Variants in TBC1D12 observed in about 807,000 individuals in gnomAD.
TBC1D12 encodes the protein TBC1 domain family member 12.
A neutral mutation model predicts 86.7 loss-of-function variants in TBC1D12; 56 were observed. The ratio of observed to expected loss-of-function variants is 0.65; its 90% CI spans 0.52 to 0.81. The LOEUF (loss-of-function observed/expected upper bound fraction) is 0.81. TBC1D12 is among the 30% of genes least tolerant of loss of function. TBC1D12 has a pLI of 0.00. For synonymous variants in TBC1D12, 421 were observed against 411.7 expected (o/e 1.02, Z -0.27); for missense variants, 1,023 against 1,038.8 (o/e 0.98, Z 0.21).
chr10:94,410,848 A>G (rs1164387367), intron 1 of TBC1D12, among the ~76,000 whole-genome samples: 1 of 152,170 alleles, frequency 6.6e-6, no homozygotes, highest in African/African-American at 2.4e-5. Context: ...AAATCACTAA[A>G]TTTCTGGACT....
chr10:94,406,234 T>A (rs1322353509), intron 1 of TBC1D12, among the ~76,000 whole-genome samples: 1 of 152,250 alleles, frequency 6.6e-6, no homozygotes, highest in African/African-American at 2.4e-5. Flanking sequence ...TTTTTTTACT[T>A]ATAGACTAAT....
chr10:94,472,066 C>T (rs1157103823), intron 2 of TBC1D12, among the ~76,000 whole-genome samples: 3 of 152,066 alleles, frequency 2.0e-5, no homozygotes, highest in Non-Finnish European at 4.4e-5. Context: ...GTCTGATCTA[C>T]CCCGATGAGC....
rs777744600 is a variant in TBC1D12 at position 94,522,033 on chromosome 10, C to T, written c.1840C>T (p.Leu614Phe). ...AGATGCCTTTATCGCATTTGCCAATCTCCTGAATAAGCCATGCCAGTTGGC... is the reference window on the plus strand; with the variant it reads ...AGATGCCTTTATCGCATTTGCCAATTTCCTGAATAAGCCATGCCAGTTGGC... ...EADAFIAFAN[L>F]LNKPCQLAFF... The change falls in exon 10 of 13, where the codon CTC (leucine) becomes TTC (phenylalanine). Residue 614 changes from leucine to phenylalanine, a missense_variant. Physicochemically the swap from Leu to Phe is conservative, Grantham distance 22. Around this residue, in one of 2 missense-constraint regions of TBC1D12, gnomAD observed 395 missense variants for 507.7 expected, o/e 0.78. Transcript: ENST00000225235. 1 of 1,612,886 alleles carries T rather than the reference C, an allele frequency of 6.2e-7. No individual in the cohort carries two copies. The highest frequency in any genetic ancestry group is 8.5e-7 in the Non-Finnish European group (1 of 1,179,194).
intron 1 of TBC1D12, among the ~76,000 whole-genome samples, chr10:94,412,694 G>C (rs1233124856): frequency 6.6e-6 from 1 of 151,292 alleles, no homozygotes; most frequent in African/African-American, 2.4e-5. Flanking sequence ...GGAAAGAGTG[G>C]AAACATTTGG....
Position 94,402,933 on chromosome 10 carries a change from A to AC in TBC1D12, c.321dup (p.Ala108ArgfsTer17). Reference sequence around the variant, plus strand: ...CCGCCCTCGGCAGCCCCACGATCGGACGCCTGCCTGCTGGGCTCGGGCTCC... The same window carrying AC: ...CCGCCCTCGGCAGCCCCACGATCGGACCGCCTGCCTGCTGGGCTCGGGCTCC... On this transcript the variant is annotated frameshift_variant, in exon 1 of 13. Coordinates refer to ENST00000225235, the MANE Select transcript of TBC1D12 (RefSeq NM_015188.2). LOFTEE classifies it high-confidence loss of function. 6.5e-7 allele frequency: 1 copy of AC among 1,542,418 alleles called. No homozygotes were observed. Among genetic ancestry groups the AC allele is most frequent in the Non-Finnish European group, 8.7e-7 (1 of 1,149,462 alleles).
At chr10:94,409,623 G>C (rs534043982) in intron 1 of TBC1D12, among the ~76,000 whole-genome samples, 2 of 151,858 alleles carry the variant, frequency 1.3e-5, no homozygotes, top group African/African-American at 4.8e-5. Context: ...TGATCTGCCC[G>C]CTTTGGCCTT....
At chr10:94,495,400 C>T (rs1440727506) in intron 4 of TBC1D12, among the ~76,000 whole-genome samples, 1 of 152,158 alleles carries the variant, frequency 6.6e-6, no homozygotes, top group Non-Finnish European at 1.5e-5. Flanking sequence ...AACTCCTGGC[C>T]TCAAGCAATT....
chr10:94,403,130 C>G lies in TBC1D12; in HGVS notation c.517C>G (p.Arg173Gly). 7.2e-7 allele frequency: 1 copy of G among 1,395,018 alleles called. No homozygotes were observed. Among genetic ancestry groups the G allele is most frequent in the Non-Finnish European group, 9.3e-7 (1 of 1,080,992 alleles). The allele number at this position is 1,395,018 out of a possible 1,614,324, so 86.4% of individuals were successfully genotyped here. A position where few individuals can be genotyped will look rare whatever the true frequency, so the allele number is the denominator to read the frequency against. ...SRRRRPYGRL[R>G]LEGPGDEDAD... ...CCGCCGCCGCCCCTACGGCCGCCTT[C>G]GCCTGGAGGGGCCTGGCGACGAGGA... is the stretch of plus-strand genomic sequence containing the variant. Residue 173 changes from arginine to glycine, a missense_variant, in exon 1 of 13, where the codon CGC (arginine) becomes GGC (glycine). Arg to Gly is a moderately radical substitution (Grantham distance 125). Coordinates refer to ENST00000225235, the MANE Select transcript of TBC1D12 (RefSeq NM_015188.2).
rs190755639 is a variant in TBC1D12, at chr10:94,512,529, G to A, written c.1761+875G>A. ...ATTTATTGTGCTCTTATGACTATATGTCAGGCATTGTTCTAGGCACTTGAA... is the reference window on the plus strand; with the variant it reads ...ATTTATTGTGCTCTTATGACTATATATCAGGCATTGTTCTAGGCACTTGAA... On this transcript the variant is annotated intron_variant, in intron 9 of 12. Coordinates refer to ENST00000225235, the MANE Select transcript of TBC1D12 (RefSeq NM_015188.2). 2.9e-3 allele frequency among the ~76,000 whole-genome samples: 441 copies of A among 152,306 alleles called. 2 individuals carry two copies. The highest frequency in any genetic ancestry group is 0.01 in the African/African-American group (420 of 41,554).
chr10:94,459,101 TG>T (rs2055680123), intron 2 of TBC1D12, among the ~76,000 whole-genome samples: 3 of 151,448 alleles, frequency 2.0e-5, no homozygotes, highest in African/African-American at 4.9e-5. Flanking sequence ...TACAGAGAGC[TG>T]ATTGGTCCAT....
chr10:94,444,733 C>CA (rs2055431322), intron 2 of TBC1D12, among the ~76,000 whole-genome samples: 1 of 138,794 alleles, frequency 7.2e-6, no homozygotes, highest in Non-Finnish European at 1.6e-5. Flanking sequence ...CTCACATTCT[C>CA]TTTTTTTTTT....
rs1842486775 is a variant in TBC1D12, at chr10:94,533,730, T to G, written c.*634T>G. ...TCCATTTGTTTTTTAAGGGAAATTT[T>G]TTGTCTTCCTTAAGGAATTCCTATC... On this transcript the variant is annotated 3_prime_UTR_variant, in exon 13 of 13. Coordinates refer to ENST00000225235, the MANE Select transcript of TBC1D12 (RefSeq NM_015188.2). 1 of 152,184 alleles carries G rather than the reference T, an allele frequency of 6.6e-6. No homozygotes were observed. The highest frequency in any genetic ancestry group is 2.4e-5 in the African/African-American group (1 of 41,456). 9.4% of individuals were successfully genotyped at this position (152,184 alleles called of 1,614,324 possible).
chr10:94,512,562 A>G (rs1259576867), intron 9 of TBC1D12, among the ~76,000 whole-genome samples: 1 of 152,244 alleles, frequency 6.6e-6, no homozygotes, highest in Non-Finnish European at 1.5e-5. Flanking sequence ...GAAATACCTC[A>G]ATGAACAAAA....
Position 94,403,242 on chromosome 10 carries a change from A to G in TBC1D12, c.629A>G (p.Gln210Arg). 6.6e-7 allele frequency: 1 copy of G among 1,507,860 alleles called. No homozygotes were observed. Among genetic ancestry groups the G allele is most frequent in the Non-Finnish European group, 8.9e-7 (1 of 1,129,930 alleles). The allele number at this position is 1,507,860 out of a possible 1,614,324, so 93.4% of individuals were successfully genotyped here. A position where few individuals can be genotyped will look rare whatever the true frequency, so the allele number is the denominator to read the frequency against. ...RSCCLVAADAQEPEGAGSDSG... is the reference protein window; with the variant it reads ...RSCCLVAADAREPEGAGSDSG... ...TGCTGCCTGGTGGCCGCGGACGCCC[A>G]GGAGCCCGAGGGCGCGGGCAGCGAC... The change falls in exon 1 of 13, where the codon CAG becomes CGG. Residue 210 changes from glutamine (Q) to arginine (R), a missense_variant. Coordinates refer to ENST00000225235, the MANE Select transcript of TBC1D12 (RefSeq NM_015188.2).
At chr10:94,418,775 G>A (rs577889839) in intron 1 of TBC1D12, among the ~76,000 whole-genome samples, 1 of 151,870 alleles carries the variant, frequency 6.6e-6, no homozygotes, top group Non-Finnish European at 1.5e-5. Flanking sequence ...GTTTCGCCAT[G>A]TTGGTCAGGC....
chr10:94,493,442 A>T lies in TBC1D12; in HGVS notation c.1289A>T (p.Lys430Ile), dbSNP rs780107398. Residue 430 changes from lysine to isoleucine, a missense_variant, in exon 4 of 13, where the codon AAA (lysine) becomes ATA (isoleucine). Transcript: ENST00000225235. ...EYDEMVAEAKKREIKEAHKRK... is the reference protein window; with the variant it reads ...EYDEMVAEAKIREIKEAHKRK... ...GATGAGATGGTGGCTGAGGCTAAAA[A>T]ACGAGGTATAAAATTTAACTCCAAA... 1 of 1,609,762 alleles carries T rather than the reference A, an allele frequency of 6.2e-7. No homozygotes were observed. Among genetic ancestry groups the T allele is most frequent in the South Asian group, 1.1e-5 (1 of 89,654 alleles).
intron 3 of TBC1D12, 60 bp from the exon 4 acceptor site, chr10:94,493,301 AAGTT>A: frequency 7.8e-7 from 1 of 1,282,568 alleles, no homozygotes; most frequent in South Asian, 1.3e-5. Flanking sequence ...AAAAACAAAT[AAGTT>A]AGTAAGTTGA....
intron 2 of TBC1D12, among the ~76,000 whole-genome samples, chr10:94,465,672 G>A (rs112461912): frequency 2.4e-3 from 106 of 44,424 alleles, no homozygotes; most frequent in East Asian, 5.8e-3. Flanking sequence ...ATATATATAT[G>A]TGTGTGTGTG....
At chr10:94,469,817 C>T (rs149132403) in intron 2 of TBC1D12, among the ~76,000 whole-genome samples, 1 of 152,254 alleles carries the variant, frequency 6.6e-6, no homozygotes, top group Non-Finnish European at 1.5e-5. Context: ...GCCCTTTGGC[C>T]TGTCCAAACT....
Sources: allele counts gnomAD v4.1 joint callset (sites outside exome capture counted in the v4.1 genomes callset), GRCh38; gene constraint gnomAD v4.1.1; regional missense constraint gnomAD v4.1.1; transcripts MANE v1.5; gene names NCBI Gene and HGNC (gene_info 2026-07-23, HGNC 2026-07-21).